FREM3: variants seen among roughly 807,000 people sequenced by gnomAD.
The protein encoded by FREM3 is FRAS1-related extracellular matrix protein 3.
FREM3 carries 105 observed loss-of-function variants against 129.1 expected under a neutral mutation model. The observed-to-expected ratio is 0.81, with a 90% CI of 0.69 to 0.96. The LOEUF is 0.96. Ranked by LOEUF, FREM3 falls within the 40% of genes least tolerant of loss-of-function variation. FREM3 has a pLI of 0.00. For missense variants in FREM3, 2,593 were observed against 2,666.3 expected (o/e 0.97, Z 0.61); for synonymous variants, 1,014 against 1,044.9 (o/e 0.97, Z 0.57).
rs1478845135 is a variant in FREM3 at position 143,577,864 on chromosome 4, G to A, written c.6179-12C>T. ...ATAATCTGTTCCAGCTAGTGAAAAA[G>A]GAAAAGGCACTGGTGAGACAGTAGG... On this transcript the variant is annotated splice_polypyrimidine_tract_variant and intron_variant, in intron 7 of 7. Coordinates refer to ENST00000329798, the MANE Select transcript of FREM3 (RefSeq NM_001168235.2). 10 of 1,532,784 alleles carry A rather than the reference G, an allele frequency of 6.5e-6. No homozygotes were observed. Among genetic ancestry groups the A allele is most frequent in the East Asian group, 4.9e-5 (2 of 40,910 alleles). 94.9% of individuals were successfully genotyped at this position (1,532,784 alleles called of 1,614,324 possible). A position where few individuals can be genotyped will look rare whatever the true frequency, so the allele number is the denominator to read the frequency against.
At chr4:143,615,292 A>G (rs1421775143) in intron 5 of FREM3, among the ~76,000 whole-genome samples, 1 of 152,206 alleles carries the variant, frequency 6.6e-6, no homozygotes, top group African/African-American at 2.4e-5. Context: ...CATTGTCTTT[A>G]GTTGTTTGTT....
chr4:143,595,997 G>T (rs1337537147), intron 6 of FREM3, among the ~76,000 whole-genome samples: 1 of 151,930 alleles, frequency 6.6e-6, no homozygotes, highest in African/African-American at 2.4e-5. Flanking sequence ...TGAGAGAGGT[G>T]GGAAAAATGT....
chr4:143,612,191 A>G (rs1378959227), intron 5 of FREM3, among the ~76,000 whole-genome samples: 1 of 152,216 alleles, frequency 6.6e-6, no homozygotes, highest in Non-Finnish European at 1.5e-5. Flanking sequence ...CACAATCATA[A>G]AACGTTTTTA....
chr4:143,598,101 C>T (rs1683262825), intron 6 of FREM3, among the ~76,000 whole-genome samples: 1 of 152,220 alleles, frequency 6.6e-6, no homozygotes, highest in South Asian at 2.1e-4. Context: ...AAAGTCCCCA[C>T]CTCCTAATGC....
chr4:143,603,105 G>A (rs1322591946), intron 6 of FREM3, among the ~76,000 whole-genome samples: 1 of 152,088 alleles, frequency 6.6e-6, no homozygotes, highest in East Asian at 1.9e-4. Context: ...GATTTTCACT[G>A]TAATTTATAA....
At chr4:143,645,972 A>T (rs1365695986) in intron 2 of FREM3, among the ~76,000 whole-genome samples, 1 of 152,210 alleles carries the variant, frequency 6.6e-6, no homozygotes, top group African/African-American at 2.4e-5. Flanking sequence ...TTCAGTAAGG[A>T]GCATTTTGTA....
intron 2 of FREM3, among the ~76,000 whole-genome samples, chr4:143,679,094 T>C (rs1350760997): frequency 1.3e-5 from 2 of 152,206 alleles, no homozygotes; most frequent in Non-Finnish European, 2.9e-5. Flanking sequence ...TTATTTTACT[T>C]TCTAAAAATG....
rs1403244347 is a variant in FREM3 at position 143,589,758 on chromosome 4, T to G, written c.6029-3765A>C. Among the ~76,000 whole-genome samples the G allele has an allele frequency of 2.0e-5, 3 of 152,158 alleles. No individual in the cohort carries two copies. The East Asian group carries it at 5.8e-4, about 29-fold the overall frequency. ...TGGTTCCATATGAACTTTAAAGTAG[T>G]TTTTTCGAATTCTGTGAAGAAAGTC... On this transcript the variant is annotated intron_variant, in intron 6 of 7. Transcript: ENST00000329798.
chr4:143,606,481 CT>C (rs1437519581), intron 6 of FREM3, among the ~76,000 whole-genome samples: 1 of 151,592 alleles, frequency 6.6e-6, no homozygotes, highest in East Asian at 1.9e-4. Context: ...ATGAAGGTAG[CT>C]TTTCGTTATA....
Position 143,698,415 on chromosome 4 carries a change from T to G in FREM3, c.2261A>C (p.Asn754Thr), listed in dbSNP as rs1740622467. 2 of 1,537,920 alleles carry G rather than the reference T, an allele frequency of 1.3e-6. No individual in the cohort carries two copies. The highest frequency in any genetic ancestry group is 1.7e-6 in the Non-Finnish European group (2 of 1,147,054). The change falls in exon 1 of 8, where the codon AAC becomes ACC. Residue 754 changes from asparagine to threonine, a missense_variant. Transcript: ENST00000329798. ...LLTLPTDTDGNHQVRAGEIVL... is the reference protein window; with the variant it reads ...LLTLPTDTDGTHQVRAGEIVL... ...AATTTCTCCAGCCCGGACTTGGTGG[T>G]TGCCATCTGTGTCAGTCGGGAGTGT...
chr4:143,660,200 G>A (rs1204344649), intron 2 of FREM3, among the ~76,000 whole-genome samples: 1 of 147,982 alleles, frequency 6.8e-6, no homozygotes, highest in Non-Finnish European at 1.5e-5. Context: ...TTCTTCTAGG[G>A]TTTTTAATGG....
intron 2 of FREM3, among the ~76,000 whole-genome samples, chr4:143,647,068 T>C (rs1454472011): frequency 6.6e-6 from 1 of 152,160 alleles, no homozygotes; most frequent in Non-Finnish European, 1.5e-5. Context: ...TTGATAGTGA[T>C]ATGGGCAATG....
intron 2 of FREM3, among the ~76,000 whole-genome samples, chr4:143,640,081 G>C (rs1159030971): frequency 6.6e-6 from 1 of 152,164 alleles, no homozygotes; most frequent in Admixed American, 6.5e-5. Flanking sequence ...GGCCCTGTTT[G>C]AATGTTGCTT....
chr4:143,656,369 A>G (rs1739601029), intron 2 of FREM3, among the ~76,000 whole-genome samples: 1 of 152,228 alleles, frequency 6.6e-6, no homozygotes, highest in Non-Finnish European at 1.5e-5. Flanking sequence ...ATGAATGTTC[A>G]AATAGCACTA....
chr4:143,688,197 G>T (rs191364935), intron 2 of FREM3, among the ~76,000 whole-genome samples: 1 of 152,118 alleles, frequency 6.6e-6, no homozygotes, highest in Non-Finnish European at 1.5e-5. Flanking sequence ...ACACAAATCA[G>T]TAGCTCTTCT....
At chr4:143,682,290 A>C (rs980110323) in intron 2 of FREM3, among the ~76,000 whole-genome samples, 6 of 152,164 alleles carry the variant, frequency 3.9e-5, no homozygotes, top group Non-Finnish European at 1.5e-5. Flanking sequence ...ACTCCCTTTG[A>C]CCTTTTCTGC....
At chr4:143,625,078 ACAACAACAACAT>A (rs1229287024) in intron 3 of FREM3, among the ~76,000 whole-genome samples, 3 of 152,190 alleles carry the variant, frequency 2.0e-5, no homozygotes, top group Non-Finnish European at 4.4e-5. Context: ...ATACGAAACA[ACAACAACAACAT>A]CAACAACAAC....
chr4:143,583,047 A>G (rs1232886310), intron 7 of FREM3, among the ~76,000 whole-genome samples: 1 of 151,700 alleles, frequency 6.6e-6, no homozygotes, highest in South Asian at 2.1e-4. Context: ...TGCCGGGCTA[A>G]TTTTTTTGTA....
At chr4:143,624,833 A>G (rs1329615992) in intron 3 of FREM3, among the ~76,000 whole-genome samples, 1 of 152,172 alleles carries the variant, frequency 6.6e-6, no homozygotes, top group African/African-American at 2.4e-5. Flanking sequence ...TTTTGAGTGA[A>G]TATTTTGTAT....
Sources: allele counts gnomAD v4.1 joint callset (sites outside exome capture counted in the v4.1 genomes callset), GRCh38; gene constraint gnomAD v4.1.1; transcripts MANE v1.5; gene names NCBI Gene and HGNC (gene_info 2026-07-23, HGNC 2026-07-21).